The following LUZP2 variants were observed in gnomAD, a reference collection of about 807,000 sequenced individuals.
The protein encoded by LUZP2 is leucine zipper protein 2.
LUZP2 carries 52 observed loss-of-function variants against 51.6 expected under a neutral mutation model. The ratio of observed to expected loss-of-function variants is 1.01; its 90% CI spans 0.81 to 1.27. LUZP2 has a LOEUF of 1.27. LUZP2 is among the 50% of genes most tolerant of loss of function. The probability of loss-of-function intolerance (pLI) is 0.00; values close to 1 mark genes in which losing one functional copy is unlikely to be tolerated. For synonymous variants in LUZP2, 154 were observed against 137.3 expected, an observed-to-expected ratio of 1.12 and a Z score of -0.85; for missense variants, 436 against 395.4, an observed-to-expected ratio of 1.10 and a Z score of -0.87.
intron 9 of LUZP2, among the ~76,000 whole-genome samples, chr11:25,008,765 A>G (rs907257379): frequency 6.6e-6 from 1 of 152,174 alleles, no homozygotes; most frequent in Non-Finnish European, 1.5e-5. Flanking sequence ...AAGCCCTCTT[A>G]TGAGAGGGGT....
At chr11:25,009,042 G>C (rs576669869) in intron 9 of LUZP2, among the ~76,000 whole-genome samples, 1 of 152,250 alleles carries the variant, frequency 6.6e-6, no homozygotes. Context: ...CTGCCTCTTA[G>C]CACTGTCATA....
intron 9 of LUZP2, among the ~76,000 whole-genome samples, chr11:25,006,866 A>G (rs1304822204): frequency 6.6e-6 from 1 of 152,124 alleles, no homozygotes; most frequent in Non-Finnish European, 1.5e-5. Context: ...TGAAGAGTGA[A>G]AGAACAAAGC....
intron 7 of LUZP2, among the ~76,000 whole-genome samples, chr11:24,961,968 G>T (rs1477871197): frequency 6.6e-6 from 1 of 151,804 alleles, no homozygotes. Flanking sequence ...CTCAGCATTT[G>T]CTTGTCTGTA....
At chr11:24,514,272 AAG>A (rs1174046055) in intron 1 of LUZP2, among the ~76,000 whole-genome samples, 2 of 152,180 alleles carry the variant, frequency 1.3e-5, no homozygotes, top group Non-Finnish European at 2.9e-5. Context: ...GGCAGAGAAA[AAG>A]AGAGAAAGAA....
intron 1 of LUZP2, among the ~76,000 whole-genome samples, chr11:24,650,338 T>C (rs915208438): frequency 6.6e-6 from 1 of 151,940 alleles, no homozygotes; most frequent in African/African-American, 2.4e-5. Flanking sequence ...CTAATGATTT[T>C]CTAAAGCATC....
intron 5 of LUZP2, among the ~76,000 whole-genome samples, chr11:24,897,194 A>G (rs1169551987): frequency 6.6e-6 from 1 of 152,094 alleles, no homozygotes; most frequent in African/African-American, 2.4e-5. Flanking sequence ...ACACTCTGTC[A>G]AAACGGACCA....
intron 7 of LUZP2, among the ~76,000 whole-genome samples, chr11:24,955,626 G>T (rs1176085368): frequency 6.6e-6 from 1 of 151,910 alleles, no homozygotes; most frequent in Non-Finnish European, 1.5e-5. Flanking sequence ...CAATCTTCCT[G>T]GAATAATTCA....
chr11:24,867,669 T>C (rs1417474993), intron 5 of LUZP2, among the ~76,000 whole-genome samples: 2 of 152,118 alleles, frequency 1.3e-5, no homozygotes, highest in East Asian at 3.9e-4. Flanking sequence ...TGTGTTTGCT[T>C]GTCAAGGAAC....
chr11:24,588,632 T>C (rs1853151659), intron 1 of LUZP2, among the ~76,000 whole-genome samples: 1 of 6,902 alleles, frequency 1.4e-4, no homozygotes. Context: ...AATAAAGGAA[T>C]AATTTTTTCC....
At chr11:24,737,497 C>T (rs1564994) in intron 3 of LUZP2, among the ~76,000 whole-genome samples, 38,396 of 150,196 alleles carry the variant, frequency 0.26, 5,297 homozygotes, top group East Asian at 0.55. Context: ...GGTGATAGCT[C>T]GAGTAAAAAA....
At chr11:24,886,650 A>G (rs1274682510) in intron 5 of LUZP2, among the ~76,000 whole-genome samples, 2 of 152,216 alleles carry the variant, frequency 1.3e-5, no homozygotes, top group Non-Finnish European at 2.9e-5. Flanking sequence ...GGAAGAAACC[A>G]TAAATACTAA....
chr11:24,847,635 T>C (rs192741609), intron 5 of LUZP2, among the ~76,000 whole-genome samples: 41 of 152,296 alleles, frequency 2.7e-4, no homozygotes, highest in African/African-American at 9.4e-4. Flanking sequence ...TCTTTGTAAT[T>C]GAGAAATACG....
At chr11:25,035,260 A>G (rs1463216360) in intron 9 of LUZP2, among the ~76,000 whole-genome samples, 3 of 152,138 alleles carry the variant, frequency 2.0e-5, no homozygotes, top group African/African-American at 2.4e-5. Flanking sequence ...TTCTTTGCTG[A>G]TAATATGATT....
At chr11:24,872,990 T>C (rs934894754) in intron 5 of LUZP2, among the ~76,000 whole-genome samples, 3 of 152,186 alleles carry the variant, frequency 2.0e-5, no homozygotes, top group Non-Finnish European at 4.4e-5. Context: ...TGCCTTGATT[T>C]TGACTGTAAG....
At chr11:24,514,084 C>A (rs556910126) in intron 1 of LUZP2, among the ~76,000 whole-genome samples, 1 of 152,230 alleles carries the variant, frequency 6.6e-6, no homozygotes, top group East Asian at 1.9e-4. Context: ...ATGAGTGGTA[C>A]CCCTAAACAG....
intron 7 of LUZP2, among the ~76,000 whole-genome samples, chr11:24,942,607 T>A (rs949346213): frequency 6.6e-6 from 1 of 152,210 alleles, no homozygotes; most frequent in Non-Finnish European, 1.5e-5. Context: ...TCATCCTTCA[T>A]GTATTCTAAA....
At position 24,772,482 on chromosome 11, in the gene LUZP2, A is replaced by G. The variant is rs182952382; in HGVS notation, c.396+9174A>G. Among the ~76,000 whole-genome samples, 170 of 152,292 alleles carry G rather than the reference A, an allele frequency of 1.1e-3. 2 individuals carry two copies. The highest frequency in any genetic ancestry group is 4.4e-4 in the Non-Finnish European group (30 of 68,022). ...GACACACCCAAGAGGTTTTTAAGATATTTAATTATAACTTTCTTTTTTTTC... is the reference window on the plus strand; with the variant it reads ...GACACACCCAAGAGGTTTTTAAGATGTTTAATTATAACTTTCTTTTTTTTC... On this transcript the variant is annotated intron_variant, in intron 5 of 11. Coordinates refer to ENST00000336930, the MANE Select transcript of LUZP2 (RefSeq NM_001009909.4).
intron 1 of LUZP2, among the ~76,000 whole-genome samples, chr11:24,635,791 G>A (rs114697830): frequency 0.014 from 2,160 of 152,196 alleles, 45 homozygotes; most frequent in African/African-American, 0.048. Context: ...CACAGACAGC[G>A]TTGACTAAAA....
intron 7 of LUZP2, among the ~76,000 whole-genome samples, chr11:24,965,026 A>T (rs537665214): frequency 1.4e-4 from 21 of 151,762 alleles, no homozygotes; most frequent in Non-Finnish European, 2.7e-4. Context: ...TAAGATTTAA[A>T]AGCTATGTAG....
Sources: gnomAD v4.1 joint callset for allele counts (sites outside exome capture counted in the v4.1 genomes callset) on GRCh38, gnomAD v4.1.1 for gene constraint, MANE v1.5 for transcripts, NCBI Gene and HGNC (gene_info 2026-07-23, HGNC 2026-07-21) for gene names.